Variants in SNTG1 observed in about 807,000 individuals in gnomAD.
SNTG1 encodes the protein gamma-1-syntrophin.
SNTG1 carries 39 observed loss-of-function variants against 74.7 expected under a neutral mutation model. The observed-to-expected ratio is 0.52, with a 90% CI of 0.40 to 0.68. The LOEUF is 0.68. Among genes scored for constraint, SNTG1 ranks in the 30% least tolerant of loss-of-function variants. The pLI is 0.00. For synonymous variants in SNTG1, 254 were observed against 217.1 expected, an observed-to-expected ratio of 1.17 and a Z score of -1.49; for missense variants, 685 against 609.5, an observed-to-expected ratio of 1.12 and a Z score of -1.30.
intron 2 of SNTG1, among the ~76,000 whole-genome samples, chr8:50,344,826 A>G (rs1160307240): frequency 6.6e-6 from 1 of 152,206 alleles, no homozygotes; most frequent in East Asian, 1.9e-4. Context: ...CCTAACCCCT[A>G]GTACCTCAGA....
intron 1 of SNTG1, among the ~76,000 whole-genome samples, chr8:50,065,402 CATAA>C (rs1281268963): frequency 2.0e-4 from 30 of 152,140 alleles, no homozygotes; most frequent in African/African-American, 6.5e-4. Context: ...TAAAAAGATG[CATAA>C]ATAAATAGAA....
intron 18 of SNTG1, among the ~76,000 whole-genome samples, chr8:50,755,869 A>G (rs1231173823): frequency 6.6e-6 from 1 of 151,758 alleles, no homozygotes; most frequent in Non-Finnish European, 1.5e-5. Flanking sequence ...CGTGGTGCAT[A>G]TTTTCATATG....
chr8:50,335,331 T>C (rs1306570865), intron 2 of SNTG1, among the ~76,000 whole-genome samples: 5 of 152,348 alleles, frequency 3.3e-5, no homozygotes, highest in African/African-American at 1.2e-4. Flanking sequence ...CTCAACAGCA[T>C]CCACTGCTTT....
At chr8:50,238,510 T>G (rs1430733913) in intron 2 of SNTG1, among the ~76,000 whole-genome samples, 2 of 152,182 alleles carry the variant, frequency 1.3e-5, no homozygotes, top group African/African-American at 4.8e-5. Flanking sequence ...ATTAAAGACT[T>G]AAATGTAAAA....
At chr8:50,142,629 A>C (rs953602629) in intron 1 of SNTG1, among the ~76,000 whole-genome samples, 2 of 152,172 alleles carry the variant, frequency 1.3e-5, no homozygotes, top group African/African-American at 4.8e-5. Flanking sequence ...GGTTTTGTTA[A>C]AGAAGCTGAT....
chr8:50,596,779 T>C (rs2094730169), intron 13 of SNTG1, among the ~76,000 whole-genome samples: 1 of 152,100 alleles, frequency 6.6e-6, no homozygotes, highest in African/African-American at 2.4e-5. Flanking sequence ...ATTAATGTTT[T>C]TATATAATTG....
chr8:50,522,290 T>G (rs189401649), intron 9 of SNTG1, among the ~76,000 whole-genome samples: 1 of 152,040 alleles, frequency 6.6e-6, no homozygotes. Flanking sequence ...GAAAGGAATG[T>G]GTTTTGATGT....
At chr8:50,639,218 G>A (rs577203383) in intron 13 of SNTG1, among the ~76,000 whole-genome samples, 2,072 of 43,378 alleles carry the variant, frequency 0.048, 55 homozygotes, top group African/African-American at 0.19. Context: ...ATGCTTTTCA[G>A]TTAAAAAAAA....
At chr8:50,664,778 G>C (rs752415600) in intron 15 of SNTG1, among the ~76,000 whole-genome samples, 30 of 152,154 alleles carry the variant, frequency 2.0e-4, no homozygotes, top group Non-Finnish European at 3.8e-4. Context: ...ATGACTTGAA[G>C]CCCAAGTGTA....
chr8:50,477,828 A>G lies in SNTG1; in HGVS notation c.364-24950A>G, dbSNP rs2093708907. On this transcript the variant is annotated intron_variant, in intron 8 of 18. Coordinates refer to ENST00000642720, the MANE Select transcript of SNTG1 (RefSeq NM_018967.5). Reference sequence around the variant, plus strand: ...CTATTTTTACAAACAATTCATTTGTATTTACAATGATCTCATATTTTTCCT... The same window carrying G: ...CTATTTTTACAAACAATTCATTTGTGTTTACAATGATCTCATATTTTTCCT... Among the ~76,000 whole-genome samples the G allele has an allele frequency of 3.3e-5, 5 of 152,160 alleles. No individual in the cohort carries two copies. In the South Asian group the frequency reaches 1.0e-3, roughly 31 times the overall value.
At chr8:49,958,607 G>T (rs1437751656) in intron 1 of SNTG1, among the ~76,000 whole-genome samples, 1 of 152,108 alleles carries the variant, frequency 6.6e-6, no homozygotes, top group Admixed American at 6.5e-5. Flanking sequence ...TTTTAGTAGA[G>T]ACAAGGTTTC....
chr8:50,486,238 G>T (rs1253661939), intron 8 of SNTG1, among the ~76,000 whole-genome samples: 1 of 102,452 alleles, frequency 9.8e-6, no homozygotes, highest in South Asian at 3.3e-4. Flanking sequence ...ATTACCTTGG[G>T]CAGTATGGCC....
At chr8:50,024,289 C>T (rs772419686) in intron 1 of SNTG1, among the ~76,000 whole-genome samples, 3 of 152,114 alleles carry the variant, frequency 2.0e-5, no homozygotes, top group Non-Finnish European at 4.4e-5. Context: ...TTCTGATGCA[C>T]AATCAAGTTT....
intron 1 of SNTG1, among the ~76,000 whole-genome samples, chr8:50,172,105 A>G (rs2082828719): frequency 6.6e-6 from 1 of 152,196 alleles, no homozygotes; most frequent in South Asian, 2.1e-4. Flanking sequence ...CCCCACCACC[A>G]TAAAACTGAG....
intron 13 of SNTG1, among the ~76,000 whole-genome samples, chr8:50,647,597 A>G (rs886213199): frequency 2.0e-5 from 3 of 152,120 alleles, no homozygotes; most frequent in Admixed American, 6.6e-5. Context: ...TTTGCTGTGA[A>G]CCCAAAACCA....
Position 50,442,342 on chromosome 8 carries a change from C to T in SNTG1, c.219+3743C>T, listed in dbSNP as rs560181562. On this transcript the variant is annotated intron_variant, in intron 5 of 18. Coordinates refer to ENST00000642720, the MANE Select transcript of SNTG1 (RefSeq NM_018967.5). ...TTTGGAGTCATGACACACATTTGCA[C>T]CGGTCCCTCCACTGTCTTTAAGTGA... Among the ~76,000 whole-genome samples, 28 of 152,204 alleles carry T rather than the reference C, an allele frequency of 1.8e-4. 1 individual carries two copies. The South Asian group carries it at 5.8e-3, about 32-fold the overall frequency.
At chr8:50,638,010 C>T (rs2095049834) in intron 13 of SNTG1, among the ~76,000 whole-genome samples, 1 of 152,046 alleles carries the variant, frequency 6.6e-6, no homozygotes, top group Non-Finnish European at 1.5e-5. Flanking sequence ...AGAAGAATTA[C>T]CCCCAAAGAT....
chr8:50,461,193 G>GTGTGTGTGTT (rs1307574577), intron 8 of SNTG1, among the ~76,000 whole-genome samples: 1 of 151,148 alleles, frequency 6.6e-6, no homozygotes, highest in Admixed American at 6.6e-5. Context: ...GTGTGTGTGT[G>GTGTGTGTGTT]TGTGTGTGTG....
chr8:50,444,871 A>AT (rs565728636), intron 5 of SNTG1, among the ~76,000 whole-genome samples: 8 of 152,132 alleles, frequency 5.3e-5, no homozygotes, highest in East Asian at 1.9e-4. Context: ...AGACCATTAC[A>AT]TTTTTTTTCA....
Sources: allele counts gnomAD v4.1 joint callset (sites outside exome capture counted in the v4.1 genomes callset), GRCh38; gene constraint gnomAD v4.1.1; transcripts MANE v1.5; gene names NCBI Gene and HGNC (gene_info 2026-07-23, HGNC 2026-07-21).